RPH3A: variants seen among roughly 807,000 people sequenced by gnomAD.
RPH3A encodes rabphilin 3A.
Under a neutral mutation model 102.2 loss-of-function variants are expected in RPH3A, and 48 were observed. The ratio of observed to expected loss-of-function variants is 0.47; its 90% confidence interval spans 0.37 to 0.60. The LOEUF (loss-of-function observed/expected upper bound fraction) is 0.60, where lower values mean the gene tolerates loss of function less well. RPH3A is among the 20% of genes least tolerant of loss of function. The pLI, the probability that RPH3A is intolerant of heterozygous loss-of-function variation, is 0.00. For synonymous variants in RPH3A, 310 were observed against 324.3 expected, an observed-to-expected ratio of 0.96 and a Z score of 0.47; for missense variants, 781 against 910.1, an observed-to-expected ratio of 0.86 and a Z score of 1.83.
At chr12:112,858,918 A>G (rs1344647846) in intron 5 of RPH3A, among the ~76,000 whole-genome samples, 1 of 152,020 alleles carries the variant, frequency 6.6e-6, no homozygotes, top group African/African-American at 2.4e-5. Flanking sequence ...GTAACCAACA[A>G]CTCACCTTAA....
chr12:112,746,116 C>T (rs780185691), intron 1 of RPH3A, among the ~76,000 whole-genome samples: 2 of 152,088 alleles, frequency 1.3e-5, no homozygotes, highest in Non-Finnish European at 2.9e-5. Flanking sequence ...TTCTTTCCTC[C>T]TTTTCCTCCC....
At chr12:112,585,851 G>A (rs1198613590) in intron 1 of RPH3A, among the ~76,000 whole-genome samples, 1 of 152,188 alleles carries the variant, frequency 6.6e-6, no homozygotes, top group Middle Eastern at 3.2e-3. Context: ...TAAGGACCAA[G>A]AGCCCTCTAG....
chr12:112,671,481 A>G (rs531147224), intron 1 of RPH3A, among the ~76,000 whole-genome samples: 25 of 152,350 alleles, frequency 1.6e-4, no homozygotes, highest in African/African-American at 5.3e-4. Context: ...TAACTGCCCC[A>G]GAAATTGCAC....
At chr12:112,692,094 A>G (rs2040310811) in intron 1 of RPH3A, among the ~76,000 whole-genome samples, 1 of 152,228 alleles carries the variant, frequency 6.6e-6, no homozygotes, top group Non-Finnish European at 1.5e-5. Context: ...AACATCACAC[A>G]TTCTCACTCA....
intron 5 of RPH3A, among the ~76,000 whole-genome samples, chr12:112,859,221 C>T (rs1228427850): frequency 2.6e-5 from 4 of 152,096 alleles, no homozygotes; most frequent in Non-Finnish European, 4.4e-5. Flanking sequence ...TCTGAGAATC[C>T]GGAATGCTGC....
intron 4 of RPH3A, among the ~76,000 whole-genome samples, chr12:112,843,532 A>G (rs2042180678): frequency 6.6e-6 from 1 of 152,166 alleles, no homozygotes; most frequent in African/African-American, 2.4e-5. Context: ...CTCTGGAGCC[A>G]TGTGCGTTCA....
At chr12:112,656,871 T>G (rs942149109) in intron 1 of RPH3A, among the ~76,000 whole-genome samples, 2 of 152,118 alleles carry the variant, frequency 1.3e-5, no homozygotes, top group Admixed American at 6.6e-5. Flanking sequence ...CTTAGGTTGA[T>G]TCCATGACTT....
At chr12:112,846,221 A>T (rs529631621) in intron 4 of RPH3A, among the ~76,000 whole-genome samples, 10 of 152,326 alleles carry the variant, frequency 6.6e-5, no homozygotes, top group African/African-American at 2.4e-4. Flanking sequence ...GTATCTTCGC[A>T]ATGTTGTGCA....
chr12:112,858,680 C>G (rs528704294), intron 5 of RPH3A, among the ~76,000 whole-genome samples: 1 of 152,330 alleles, frequency 6.6e-6, no homozygotes, highest in African/African-American at 2.4e-5. Context: ...TGTTTTGCTA[C>G]CGTTGGATCC....
chr12:112,769,152 T>C (rs934900546), intron 1 of RPH3A, among the ~76,000 whole-genome samples: 1 of 152,254 alleles, frequency 6.6e-6, no homozygotes, highest in Non-Finnish European at 1.5e-5. Flanking sequence ...ATGTTAGCTG[T>C]TATGATAACC....
intron 1 of RPH3A, among the ~76,000 whole-genome samples, chr12:112,780,206 A>C: frequency 6.6e-6 from 1 of 152,142 alleles, no homozygotes; most frequent in East Asian, 1.9e-4. Context: ...ATCTTTAAAA[A>C]ATTTTATTGA....
intron 1 of RPH3A, among the ~76,000 whole-genome samples, chr12:112,585,167 C>G (rs559181607): frequency 2.0e-5 from 3 of 152,198 alleles, no homozygotes; most frequent in South Asian, 4.1e-4. Flanking sequence ...TTCCACGTTC[C>G]TCTGCCTGCT....
intron 3 of RPH3A, among the ~76,000 whole-genome samples, chr12:112,835,100 C>T (rs1476130223): frequency 6.6e-6 from 1 of 152,124 alleles, no homozygotes; most frequent in Non-Finnish European, 1.5e-5. Flanking sequence ...TTAGTCCACC[C>T]ATATACTCCA....
chr12:112,683,778 C>G (rs954890858), intron 1 of RPH3A, among the ~76,000 whole-genome samples: 3 of 152,136 alleles, frequency 2.0e-5, no homozygotes, highest in Admixed American at 2.0e-4. Context: ...TGGGCCTGAT[C>G]TTGCCATACT....
intron 3 of RPH3A, among the ~76,000 whole-genome samples, chr12:112,829,305 G>C (rs950108381): frequency 6.7e-6 from 1 of 149,352 alleles, no homozygotes; most frequent in Non-Finnish European, 1.5e-5. Flanking sequence ...ACAGGGTCTT[G>C]CTCCTTTGCC....
At chr12:112,628,137 G>T (rs1456216368) in intron 1 of RPH3A, among the ~76,000 whole-genome samples, 1 of 151,988 alleles carries the variant, frequency 6.6e-6, no homozygotes, top group Non-Finnish European at 1.5e-5. Context: ...ATTGCAATTT[G>T]ACATGAGATT....
chr12:112,780,262 A>T (rs533230321), intron 1 of RPH3A, among the ~76,000 whole-genome samples: 1 of 152,074 alleles, frequency 6.6e-6, no homozygotes, highest in Non-Finnish European at 1.5e-5. Context: ...GTATTGCATT[A>T]TGGTTAGGTT....
intron 19 of RPH3A, chr12:112,893,324 A>G (rs1315214058): frequency 6.6e-6 from 1 of 152,146 alleles, no homozygotes; most frequent in Non-Finnish European, 1.5e-5. Flanking sequence ...ATTATCCTCA[A>G]AACCACTTCT....
chr12:112,673,127 C>T (rs1461573361), intron 1 of RPH3A, among the ~76,000 whole-genome samples: 1 of 152,074 alleles, frequency 6.6e-6, no homozygotes, highest in East Asian at 1.9e-4. Context: ...CCAGGTGCTT[C>T]CTGGAAACCC....
Sources: gnomAD v4.1 joint callset for allele counts (sites outside exome capture counted in the v4.1 genomes callset) on GRCh38, gnomAD v4.1.1 for gene constraint, MANE v1.5 for transcripts, NCBI Gene and HGNC (gene_info 2026-07-23, HGNC 2026-07-21) for gene names.